Variants in LGR5 observed in about 807,000 individuals in gnomAD.
LGR5 encodes the protein leucine-rich repeat-containing G protein-coupled receptor 5.
LGR5 carries 54 observed loss-of-function variants against 76.7 expected under a neutral mutation model. That is an observed-to-expected ratio of 0.70 (90% confidence interval 0.57 to 0.88). LGR5 has a LOEUF of 0.88. LGR5 is among the 40% of genes least tolerant of loss of function. The pLI is 0.00. For missense variants in LGR5, 1,078 were observed against 1,073.3 expected, an observed-to-expected ratio of 1.00 and a Z score of -0.06; for synonymous variants, 406 against 421.9, an observed-to-expected ratio of 0.96 and a Z score of 0.46.
intron 4 of LGR5, among the ~76,000 whole-genome samples, chr12:71,541,533 G>A (rs540084289): frequency 6.6e-5 from 10 of 152,268 alleles, no homozygotes; most frequent in South Asian, 6.2e-4. Context: ...GGATAAACAC[G>A]GTCTGTGATC....
At chr12:71,492,274 G>C (rs577238390) in intron 1 of LGR5, among the ~76,000 whole-genome samples, 3 of 152,268 alleles carry the variant, frequency 2.0e-5, no homozygotes, top group Admixed American at 2.0e-4. Context: ...CTTCTGAAGA[G>C]AGTTTTATGT....
chr12:71,480,591 ACTT>A (rs1208909712), intron 1 of LGR5, among the ~76,000 whole-genome samples: 2 of 152,106 alleles, frequency 1.3e-5, no homozygotes, highest in Admixed American at 6.5e-5. Flanking sequence ...CTGGAAATGT[ACTT>A]CTTGTGTCAA....
At chr12:71,487,047 A>T (rs1237725403) in intron 1 of LGR5, among the ~76,000 whole-genome samples, 1 of 152,162 alleles carries the variant, frequency 6.6e-6, no homozygotes, top group Admixed American at 6.5e-5. Flanking sequence ...GAAAACCTTT[A>T]TATATTTTGT....
In LGR5 at chr12:71,465,360, T is replaced by A. The variant is rs142377080; in HGVS notation, c.212+25068T>A. Among the ~76,000 whole-genome samples, 103 of 152,348 alleles carry A rather than the reference T, an allele frequency of 6.8e-4. 1 individual carries two copies. Among genetic ancestry groups the A allele is most frequent in the East Asian group, 4.4e-3 (23 of 5,192 alleles). On this transcript the variant is annotated intron_variant, in intron 1 of 17. Transcript: ENST00000266674. The stretch of plus-strand genomic sequence containing the variant: ...TACTCTGAAAATGGCCAACCCTCAG[T>A]AGGATCCTTAAATTATTTCGACTTT...
intron 1 of LGR5, among the ~76,000 whole-genome samples, chr12:71,458,130 CT>C (rs1872559716): frequency 6.6e-6 from 1 of 152,166 alleles, no homozygotes; most frequent in African/African-American, 2.4e-5. Context: ...TTTAGTGTTA[CT>C]TTTTTTCTTG....
chr12:71,518,964 A>G (rs1875587538), intron 2 of LGR5, among the ~76,000 whole-genome samples: 1 of 152,184 alleles, frequency 6.6e-6, no homozygotes, highest in African/African-American at 2.4e-5. Flanking sequence ...AAACCTGCAT[A>G]TGTACCCTGG....
intron 11 of LGR5, among the ~76,000 whole-genome samples, chr12:71,568,608 C>A (rs1878460167): frequency 6.6e-6 from 1 of 152,154 alleles, no homozygotes; most frequent in African/African-American, 2.4e-5. Context: ...ATTTGTTCTT[C>A]CCAATGACCC....
intron 4 of LGR5, among the ~76,000 whole-genome samples, chr12:71,541,975 G>A (rs2137382867): frequency 6.6e-6 from 1 of 152,300 alleles, no homozygotes; most frequent in East Asian, 1.9e-4. Context: ...TATACCTGTA[G>A]ACATATAATT....
At chr12:71,480,883 A>C (rs1041668010) in intron 1 of LGR5, among the ~76,000 whole-genome samples, 1 of 152,174 alleles carries the variant, frequency 6.6e-6, no homozygotes, top group South Asian at 2.1e-4. Context: ...CATAAAAGTG[A>C]TCAAGGTCTA....
At chr12:71,551,215 G>A (rs1443607474) in intron 4 of LGR5, among the ~76,000 whole-genome samples, 1 of 152,244 alleles carries the variant, frequency 6.6e-6, no homozygotes, top group Non-Finnish European at 1.5e-5. Flanking sequence ...GGCATCGCTT[G>A]TTCCTTCCCA....
At chr12:71,531,844 G>A (rs1223136156) in intron 3 of LGR5, among the ~76,000 whole-genome samples, 1 of 152,086 alleles carries the variant, frequency 6.6e-6, no homozygotes, top group African/African-American at 2.4e-5. Flanking sequence ...CTCCCGTGTG[G>A]GCGACAGAGT....
chr12:71,462,653 A>G (rs1015543316), intron 1 of LGR5, among the ~76,000 whole-genome samples: 8 of 152,072 alleles, frequency 5.3e-5, no homozygotes, highest in Admixed American at 3.9e-4. Context: ...CATTCATGCC[A>G]GGCAAGTCTC....
intron 1 of LGR5, among the ~76,000 whole-genome samples, chr12:71,474,713 A>G (rs1331645687): frequency 3.3e-5 from 5 of 152,222 alleles, no homozygotes; most frequent in Non-Finnish European, 1.5e-5. Context: ...GGAAAAATCA[A>G]TTTACTTAAT....
chr12:71,481,051 T>C (rs1437104587), intron 1 of LGR5, among the ~76,000 whole-genome samples: 1 of 152,194 alleles, frequency 6.6e-6, no homozygotes, highest in African/African-American at 2.4e-5. Context: ...ACCCATGAAA[T>C]GGGATGGGAT....
At chr12:71,523,803 A>G (rs1875841541) in intron 2 of LGR5, among the ~76,000 whole-genome samples, 1 of 152,238 alleles carries the variant, frequency 6.6e-6, no homozygotes, top group Admixed American at 6.5e-5. Flanking sequence ...TTTCCATTAA[A>G]TAACCCATGT....
At chr12:71,447,725 A>G (rs1341879284) in intron 1 of LGR5, among the ~76,000 whole-genome samples, 1 of 152,216 alleles carries the variant, frequency 6.6e-6, no homozygotes, top group African/African-American at 2.4e-5. Context: ...CTTGCTTGGC[A>G]GAAATGATAC....
Position 71,483,214 on chromosome 12 carries a change from C to CA in LGR5, c.213-21400_213-21399insA, listed in dbSNP as rs537660755. On this transcript the variant is annotated intron_variant, in intron 1 of 17. Transcript: ENST00000266674. ...GTCCACTAAGATCCCACTGCTATTG[C>CA]GTGTCTACTCCCAGAAAAGTGGGAA... Among the ~76,000 whole-genome samples the CA allele has an allele frequency of 3.3e-5, 5 of 152,224 alleles. No homozygotes were observed. In the East Asian group the frequency reaches 7.7e-4, roughly 23 times the overall value.
rs1878374457 is a variant in LGR5 at position 71,566,877 on chromosome 12, A to G, written c.1035A>G (p.Gln345=). The G allele has an allele frequency of 3.7e-6, 6 of 1,613,750 alleles. No homozygotes were observed. The highest frequency in any genetic ancestry group is 4.2e-6 in the Non-Finnish European group (5 of 1,179,742). ...LTGAQISSLP[Q]TVCNQLPNLQ... ...GAGCACAGATCTCATCTCTTCCTCA[A>G]ACCGTCTGCAATCAGTTACCTAATC... is the stretch of plus-strand genomic sequence containing the variant. The change falls in exon 11 of 18, where the codon CAA becomes CAG. Residue 345 remains glutamine (Q), a synonymous_variant. Coordinates refer to ENST00000266674, the MANE Select transcript of LGR5 (RefSeq NM_003667.4).
At chr12:71,558,104 C>T (rs924363852) in intron 6 of LGR5, among the ~76,000 whole-genome samples, 5 of 152,164 alleles carry the variant, frequency 3.3e-5, no homozygotes, top group African/African-American at 1.2e-4. Flanking sequence ...CAAAGATGGA[C>T]TTGTCCAGGG....
Sources: gnomAD v4.1 joint callset for allele counts (sites outside exome capture counted in the v4.1 genomes callset) on GRCh38, gnomAD v4.1.1 for gene constraint, MANE v1.5 for transcripts, NCBI Gene and HGNC (gene_info 2026-07-23, HGNC 2026-07-21) for gene names.